INPP4B: variants seen among roughly 807,000 people sequenced by gnomAD.
The protein encoded by INPP4B is inositol polyphosphate 4-phosphatase type II.
In INPP4B, 55 loss-of-function variants were observed where a neutral mutation model predicts 122.5. That is an observed-to-expected ratio of 0.45 (90% CI 0.36 to 0.56). The LOEUF (loss-of-function observed/expected upper bound fraction) is 0.56. INPP4B is among the 20% of genes least tolerant of loss of function. The pLI is 0.00. For missense variants in INPP4B, 1,000 were observed against 1,097.7 expected (o/e 0.91, Z 1.26); for synonymous variants, 403 against 388.7 (o/e 1.04, Z -0.43).
rs572821754 is a variant in INPP4B at position 142,520,437 on chromosome 4, T to C, written c.-190-57711A>G. ...ATTGAAGGAGTAGGGATGAGAGGTG[T>C]TTGCTTCTGACATTAACTTGGCTAA... is the stretch of plus-strand genomic sequence containing the variant. On this transcript the variant is annotated intron_variant, in intron 2 of 25. Transcript: ENST00000262992. Among the ~76,000 whole-genome samples the C allele has an allele frequency of 4.0e-3, 609 of 152,056 alleles. 4 individuals carry two copies. The highest frequency in any genetic ancestry group is 0.014 in the African/African-American group (567 of 41,550).
chr4:142,447,555 C>A (rs1457945557), intron 3 of INPP4B, among the ~76,000 whole-genome samples: 1 of 152,018 alleles, frequency 6.6e-6, no homozygotes, highest in Non-Finnish European at 1.5e-5. Flanking sequence ...CTAGAGCCAG[C>A]AAGACAAAGA....
At chr4:142,377,610 T>C (rs1792447011) in intron 7 of INPP4B, among the ~76,000 whole-genome samples, 2 of 152,096 alleles carry the variant, frequency 1.3e-5, no homozygotes, top group African/African-American at 4.8e-5. Flanking sequence ...ATCTGTAATG[T>C]AGGCAGAAAT....
intron 2 of INPP4B, among the ~76,000 whole-genome samples, chr4:142,644,740 T>TAAAAAAAAAA (rs55700762): frequency 4.2e-5 from 3 of 71,066 alleles, no homozygotes; most frequent in African/African-American, 1.7e-4. Context: ...CATCTCTACT[T>TAAAAAAAAAA]AAAAAAAAAA....
At chr4:142,692,930 G>GATAC (rs1553991793) in intron 2 of INPP4B, among the ~76,000 whole-genome samples, 4 of 150,264 alleles carry the variant, frequency 2.7e-5, no homozygotes, top group African/African-American at 9.9e-5. Flanking sequence ...TAGATAGATA[G>GATAC]ATAGATACAT....
At chr4:142,565,130 G>A (rs537410362) in intron 2 of INPP4B, among the ~76,000 whole-genome samples, 1 of 152,166 alleles carries the variant, frequency 6.6e-6, no homozygotes, top group South Asian at 2.1e-4. Context: ...TATTCTGGAT[G>A]CCCTTGCACC....
chr4:142,583,017 A>T (rs1463112388), intron 2 of INPP4B, among the ~76,000 whole-genome samples: 1 of 152,254 alleles, frequency 6.6e-6, no homozygotes, highest in Non-Finnish European at 1.5e-5. Context: ...GCTAAGACTG[A>T]GTCTCACCTT....
chr4:142,731,385 A>G (rs1171820573), intron 1 of INPP4B, among the ~76,000 whole-genome samples: 1 of 152,204 alleles, frequency 6.6e-6, no homozygotes, highest in Non-Finnish European at 1.5e-5. Flanking sequence ...GCCTCTAAAA[A>G]GATCAAGATT....
intron 8 of INPP4B, among the ~76,000 whole-genome samples, chr4:142,313,929 T>C (rs778902724): frequency 6.6e-6 from 1 of 152,096 alleles, no homozygotes; most frequent in Non-Finnish European, 1.5e-5. Context: ...CTGTGTTCAA[T>C]GAGAAAATTA....
chr4:142,071,184 C>A (rs1767066433), intron 25 of INPP4B, among the ~76,000 whole-genome samples: 1 of 152,080 alleles, frequency 6.6e-6, no homozygotes, highest in South Asian at 2.1e-4. Context: ...TAATACCACA[C>A]ATCTACAACC....
intron 11 of INPP4B, among the ~76,000 whole-genome samples, chr4:142,241,622 A>G (rs1415132882): frequency 1.3e-5 from 2 of 152,210 alleles, no homozygotes. Context: ...AAGGATGCCA[A>G]GGAAATGTTC....
intron 2 of INPP4B, among the ~76,000 whole-genome samples, chr4:142,573,611 T>A (rs943969952): frequency 3.3e-5 from 5 of 152,120 alleles, no homozygotes; most frequent in Non-Finnish European, 7.4e-5. Flanking sequence ...ATTCCATTTT[T>A]AAAAACCTCC....
chr4:142,745,781 G>C (rs754940161), intron 1 of INPP4B, among the ~76,000 whole-genome samples: 105 of 151,880 alleles, frequency 6.9e-4, no homozygotes, highest in Non-Finnish European at 1.3e-3. Flanking sequence ...TTGTGGTTAT[G>C]TTAATATGAG....
intron 2 of INPP4B, among the ~76,000 whole-genome samples, chr4:142,624,919 C>G (rs1341861197): frequency 2.0e-5 from 3 of 151,806 alleles, no homozygotes; most frequent in Non-Finnish European, 4.4e-5. Context: ...AGGCCTTTGA[C>G]AAAATTCAAC....
At chr4:142,265,138 G>A (rs1561678964) in intron 10 of INPP4B, among the ~76,000 whole-genome samples, 1 of 152,172 alleles carries the variant, frequency 6.6e-6, no homozygotes, top group Non-Finnish European at 1.5e-5. Context: ...GGACTTCCTA[G>A]CTTCCAGAAC....
At chr4:142,290,729 A>G (rs567071014) in intron 9 of INPP4B, among the ~76,000 whole-genome samples, 63 of 152,182 alleles carry the variant, frequency 4.1e-4, no homozygotes, top group African/African-American at 1.4e-3. Flanking sequence ...CACATTTCCA[A>G]TGAGATTGGC....
chr4:142,275,814 C>G (rs1437518436), intron 9 of INPP4B, among the ~76,000 whole-genome samples: 1 of 151,682 alleles, frequency 6.6e-6, no homozygotes, highest in Non-Finnish European at 1.5e-5. Context: ...TATAGGCTCA[C>G]CTTCAGACAT....
chr4:142,083,757 T>C (rs1042334553), intron 24 of INPP4B, among the ~76,000 whole-genome samples: 1 of 152,162 alleles, frequency 6.6e-6, no homozygotes, highest in African/African-American at 2.4e-5. Flanking sequence ...TACAATCTTT[T>C]TACATCTAAA....
intron 1 of INPP4B, among the ~76,000 whole-genome samples, chr4:142,755,865 A>T (rs1258916136): frequency 1.3e-5 from 2 of 152,056 alleles, no homozygotes; most frequent in Non-Finnish European, 2.9e-5. Flanking sequence ...AGTATAACAA[A>T]CACTAGTAGT....
intron 1 of INPP4B, chr4:142,766,092 T>C (rs1772080194): frequency 6.6e-6 from 1 of 152,074 alleles, no homozygotes; most frequent in African/African-American, 2.4e-5. Context: ...ATCACAGATA[T>C]TGGAATCAGA....
Sources: gnomAD v4.1 joint callset for allele counts (sites outside exome capture counted in the v4.1 genomes callset) on GRCh38, gnomAD v4.1.1 for gene constraint, MANE v1.5 for transcripts, NCBI Gene and HGNC (gene_info 2026-07-23, HGNC 2026-07-21) for gene names.